The following CAMTA1 variants were observed in gnomAD, a reference collection of about 807,000 sequenced individuals.
CAMTA1 encodes calmodulin-binding transcription activator 1.
CAMTA1 carries 27 observed loss-of-function variants against 170.9 expected under a neutral mutation model. The observed-to-expected ratio is 0.16, with a 90% CI of 0.12 to 0.22. The LOEUF (loss-of-function observed/expected upper bound fraction) is 0.22. CAMTA1 is among the 10% of genes least tolerant of loss of function. The probability of loss-of-function intolerance (pLI) is 1.00; values close to 1 mark genes in which losing one functional copy is unlikely to be tolerated. For missense variants in CAMTA1, 1,619 were observed against 2,217.2 expected (o/e 0.73, Z 5.42); for synonymous variants, 833 against 891.5 (o/e 0.93, Z 1.17).
chr1:6,804,423 C>T (rs572755001), intron 1 of CAMTA1, among the ~76,000 whole-genome samples: 8 of 151,942 alleles, frequency 5.3e-5, no homozygotes, highest in Non-Finnish European at 1.2e-4. Flanking sequence ...TTACATGTTT[C>T]GTGCAACTGT....
intron 5 of CAMTA1, among the ~76,000 whole-genome samples, chr1:7,290,947 A>G (rs780281156): frequency 1.4e-4 from 22 of 152,128 alleles, no homozygotes; most frequent in Non-Finnish European, 5.9e-5. Context: ...CTCTCACAGG[A>G]TCACTCAGCT....
intron 3 of CAMTA1, among the ~76,000 whole-genome samples, chr1:6,908,460 C>T (rs901098495): frequency 2.0e-5 from 3 of 152,218 alleles, no homozygotes; most frequent in African/African-American, 7.2e-5. Context: ...AAAAGTTGAG[C>T]ATGCTTTCCC....
chr1:6,870,421 G>T (rs1018135375), intron 3 of CAMTA1, among the ~76,000 whole-genome samples: 1 of 152,230 alleles, frequency 6.6e-6, no homozygotes, highest in African/African-American at 2.4e-5. Flanking sequence ...CATGAGCTCT[G>T]CAAGTTATTT....
chr1:7,220,000 T>C (rs1001146875), intron 4 of CAMTA1, among the ~76,000 whole-genome samples: 2 of 152,222 alleles, frequency 1.3e-5, no homozygotes, highest in Admixed American at 1.3e-4. Context: ...GCTGGCATCT[T>C]GATCTCAGAC....
intron 3 of CAMTA1, among the ~76,000 whole-genome samples, chr1:7,078,182 A>G (rs1174751197): frequency 6.6e-6 from 1 of 152,240 alleles, no homozygotes; most frequent in Non-Finnish European, 1.5e-5. Flanking sequence ...GACACTTTCT[A>G]CGCACATAGA....
chr1:6,786,132 C>A (rs939541940), intron 1 of CAMTA1, among the ~76,000 whole-genome samples: 3 of 152,108 alleles, frequency 2.0e-5, no homozygotes, highest in African/African-American at 7.2e-5. Context: ...CTCCGGCACC[C>A]TCTTCAGCCC....
intron 1 of CAMTA1, among the ~76,000 whole-genome samples, chr1:6,800,514 G>C (rs1643626612): frequency 6.6e-6 from 1 of 152,166 alleles, no homozygotes; most frequent in Non-Finnish European, 1.5e-5. Context: ...TTCAGACATA[G>C]ATGAGGGTTC....
At chr1:7,259,813 TA>T (rs926397700) in intron 5 of CAMTA1, among the ~76,000 whole-genome samples, 1 of 152,234 alleles carries the variant, frequency 6.6e-6, no homozygotes, top group African/African-American at 2.4e-5. Context: ...TGGCGATGAC[TA>T]AACAGTTCCC....
intron 6 of CAMTA1, among the ~76,000 whole-genome samples, chr1:7,516,207 A>T (rs908016509): frequency 6.6e-6 from 1 of 152,262 alleles, no homozygotes; most frequent in African/African-American, 2.4e-5. Flanking sequence ...AACTTAAAAC[A>T]CTTGCTCAAA....
At chr1:7,132,161 A>G (rs1645299778) in intron 4 of CAMTA1, among the ~76,000 whole-genome samples, 1 of 152,198 alleles carries the variant, frequency 6.6e-6, no homozygotes, top group South Asian at 2.1e-4. Flanking sequence ...AGAAATTTTA[A>G]CATCAGCTTA....
chr1:7,009,754 G>GA (rs1699527661), intron 3 of CAMTA1, among the ~76,000 whole-genome samples: 1 of 152,220 alleles, frequency 6.6e-6, no homozygotes, highest in African/African-American at 2.4e-5. Flanking sequence ...GGTCCGTGCA[G>GA]AGCCTCTAAG....
chr1:7,025,316 C>T (rs1484941065), intron 3 of CAMTA1, among the ~76,000 whole-genome samples: 1 of 152,194 alleles, frequency 6.6e-6, no homozygotes, highest in Non-Finnish European at 1.5e-5. Flanking sequence ...GCCTGGGGGC[C>T]CTGGCCATGA....
chr1:7,509,170 T>G (rs756804752), intron 6 of CAMTA1, among the ~76,000 whole-genome samples: 1 of 152,224 alleles, frequency 6.6e-6, no homozygotes, highest in Non-Finnish European at 1.5e-5. Context: ...AATAAGCAGG[T>G]TGCTTCTGTC....
chr1:7,509,455 G>T (rs1206294941), intron 6 of CAMTA1, among the ~76,000 whole-genome samples: 1 of 152,106 alleles, frequency 6.6e-6, no homozygotes. Context: ...GACCCAGCAG[G>T]CTTTATAGTC....
chr1:7,442,409 A>G (rs2092567323), intron 5 of CAMTA1, among the ~76,000 whole-genome samples: 1 of 152,138 alleles, frequency 6.6e-6, no homozygotes. Flanking sequence ...CGGAGATTGA[A>G]GTATCCCCAT....
At chr1:6,869,054 C>G (rs1160456039) in intron 3 of CAMTA1, among the ~76,000 whole-genome samples, 1 of 152,190 alleles carries the variant, frequency 6.6e-6, no homozygotes, top group Non-Finnish European at 1.5e-5. Flanking sequence ...CCTGGTAGTT[C>G]TGCCAGTTGG....
intron 5 of CAMTA1, among the ~76,000 whole-genome samples, chr1:7,357,059 TC>T (rs1270364647): frequency 6.6e-6 from 1 of 152,142 alleles, no homozygotes; most frequent in African/African-American, 2.4e-5. Context: ...CATTCTGGCA[TC>T]TCCAGCTCCA....
intron 11 of CAMTA1, among the ~76,000 whole-genome samples, chr1:7,721,738 A>T (rs2149789642): frequency 6.6e-6 from 1 of 151,946 alleles, no homozygotes; most frequent in East Asian, 1.9e-4. Context: ...TTATTTATTT[A>T]TTTTTTTGAG....
intron 4 of CAMTA1, among the ~76,000 whole-genome samples, chr1:7,148,082 A>G (rs1016019153): frequency 6.6e-6 from 1 of 151,740 alleles, no homozygotes; most frequent in Non-Finnish European, 1.5e-5. Flanking sequence ...CTCATACACC[A>G]TGCACACACT....
Sources: allele counts gnomAD v4.1 joint callset (sites outside exome capture counted in the v4.1 genomes callset), GRCh38; gene constraint gnomAD v4.1.1; transcripts MANE v1.5; gene names NCBI Gene and HGNC (gene_info 2026-07-23, HGNC 2026-07-21).